Variants in MMGT1 observed in about 807,000 individuals in gnomAD.
MMGT1 encodes membrane magnesium transporter 1.
A neutral mutation model predicts 11.7 loss-of-function variants in MMGT1; 2 were observed. The ratio of observed to expected loss-of-function variants is 0.17; its 90% CI spans 0.07 to 0.54. The LOEUF (loss-of-function observed/expected upper bound fraction) is 0.54. Ranked by LOEUF, MMGT1 falls within the 20% of genes least tolerant of loss-of-function variation. The pLI is 0.94. For missense variants in MMGT1, 74 were observed against 109.0 expected, an observed-to-expected ratio of 0.68 and a Z score of 1.43; for synonymous variants, 49 against 44.4, an observed-to-expected ratio of 1.10 and a Z score of -0.41.
intron 2 of MMGT1, among the ~76,000 whole-genome samples, chrX:135,970,163 G>A (rs921743591): frequency 9.0e-5 from 10 of 110,773 alleles, no homozygotes; most frequent in Admixed American, 2.9e-4. Flanking sequence ...TCAGGAGTTC[G>A]AGACTAGCCT....
At chrX:135,968,772 C>T (rs1288146999) in intron 2 of MMGT1, among the ~76,000 whole-genome samples, 3 of 111,381 alleles carry the variant, frequency 2.7e-5, no homozygotes, top group East Asian at 5.6e-4. Flanking sequence ...TCAGGTGATC[C>T]GCCTGCCTCA....
chrX:135,970,984 T>TA lies in MMGT1; in HGVS notation c.132+73dup, dbSNP rs1319408829. The stretch of plus-strand genomic sequence containing the variant: ...TCTGAAAAATTTTACGAAAAACCAG[T>TA]AAAAAAAAAATTATTACAAGCTATG... On this transcript the variant is annotated intron_variant, in intron 2 of 3. Transcript: ENST00000305963. The TA allele has an allele frequency of 5.0e-3, 3,296 of 654,803 alleles. 1 individual carries two copies. Among genetic ancestry groups the TA allele is most frequent in the Middle Eastern group, 0.013 (37 of 2,825 alleles). 54.0% of individuals were successfully genotyped at this position (654,803 alleles called of 1,213,427 possible).
chrX:135,968,557 A>G (rs1484856408), intron 2 of MMGT1, among the ~76,000 whole-genome samples: 3 of 81,420 alleles, frequency 3.7e-5, no homozygotes, highest in African/African-American at 1.5e-4. Context: ...TTTGAGATGG[A>G]GTCTTGCTCT....
In MMGT1 at chrX:135,960,956, T is replaced by C. The variant is rs782054317; in HGVS notation, c.*4068A>G. On this transcript the variant is annotated 3_prime_UTR_variant, in exon 4 of 4. Transcript: ENST00000305963. ...TTCACATGATCAGACTTCAAAAGTTTAGTACCCAGTATTGGCATGGGTTTG... is the reference window on the plus strand; with the variant it reads ...TTCACATGATCAGACTTCAAAAGTTCAGTACCCAGTATTGGCATGGGTTTG... 2.6e-3 allele frequency among the ~76,000 whole-genome samples: 289 copies of C among 112,315 alleles called. 3 individuals carry two copies. Among genetic ancestry groups the C allele is most frequent in the African/African-American group, 9.1e-3 (281 of 30,966 alleles).
intron 2 of MMGT1, 88 bp from the exon 3 acceptor site, chrX:135,967,581 A>T (rs1603173559): frequency 2.0e-6 from 1 of 496,847 alleles, no homozygotes; most frequent in East Asian, 4.1e-5. Context: ...ATTGCCTCTA[A>T]CAGGTAGTCC....
rs1355537289 is a variant in MMGT1 at position 135,962,453 on chromosome X, TCA to T, written c.*2569_*2570del. On this transcript the variant is annotated 3_prime_UTR_variant, in exon 4 of 4. Coordinates refer to ENST00000305963, the MANE Select transcript of MMGT1 (RefSeq NM_173470.3). ...TCAGTCAAGCAAAGGCTTAACTAGC[TCA>T]CATCATATTTTTGAACTACCCTAGG... is the stretch of plus-strand genomic sequence containing the variant. 4 of 111,970 alleles carry T rather than the reference TCA, an allele frequency of 3.6e-5. No individual in the cohort carries two copies. The highest frequency in any genetic ancestry group is 3.7e-4 in the South Asian group (1 of 2,723). 9.2% of individuals were successfully genotyped at this position (111,970 alleles called of 1,213,427 possible). A position where few individuals can be genotyped will look rare whatever the true frequency, so the allele number is the denominator to read the frequency against.
rs1360204446 is a variant in MMGT1, at chrX:135,972,141, A to C, written c.80-1031T>G. ...CTGCTGCTACAGTCTGACATGACAC[A>C]CTTAGTCTTAAAGTTACATATTACT... On this transcript the variant is annotated intron_variant, in intron 1 of 3. Coordinates refer to ENST00000305963, the MANE Select transcript of MMGT1 (RefSeq NM_173470.3). Among the ~76,000 whole-genome samples, 3 of 111,975 alleles carry C rather than the reference A, an allele frequency of 2.7e-5. No homozygotes were observed. In the East Asian group the frequency reaches 8.4e-4, roughly 31 times the overall value.
At chrX:135,973,570 A>T in intron 1 of MMGT1, 27 bp downstream of exon 1, 1 of 1,139,836 alleles carries the variant, frequency 8.8e-7, no homozygotes, top group Non-Finnish European at 1.2e-6. Flanking sequence ...TCCACACCGA[A>T]GCGGTCCCCG....
chrX:135,962,486 A>G lies in MMGT1; in HGVS notation c.*2538T>C, dbSNP rs944509346. 8.0e-5 allele frequency: 9 copies of G among 112,239 alleles called. No individual in the cohort carries two copies. Among genetic ancestry groups the G allele is most frequent in the African/African-American group, 2.9e-4 (9 of 30,844 alleles). The allele number at this position is 112,239 out of a possible 1,213,427, so 9.2% of individuals were successfully genotyped here. A position where few individuals can be genotyped will look rare whatever the true frequency, so the allele number is the denominator to read the frequency against. ...TATTTTTGAACTACCCTAGGCAATA[A>G]TTGACTGTCTCACAGTACTGTAGAT... On this transcript the variant is annotated 3_prime_UTR_variant, in exon 4 of 4. Transcript: ENST00000305963.
At position 135,961,443 on chromosome X, in the gene MMGT1, A is replaced by T. The variant is rs12009182; in HGVS notation, c.*3581T>A. Among the ~76,000 whole-genome samples the T allele has an allele frequency of 9.0e-6, 1 of 111,170 alleles. No individual in the cohort carries two copies. The highest frequency in any genetic ancestry group is 3.8e-4 in the South Asian group (1 of 2,651). ...GACACTTGAAACTGGTTACTTTTGG[A>T]GAGGAGTATTAGGGTAGGAGGGAAG... On this transcript the variant is annotated 3_prime_UTR_variant, in exon 4 of 4. Coordinates refer to ENST00000305963, the MANE Select transcript of MMGT1 (RefSeq NM_173470.3).
Position 135,965,039 on chromosome X carries a change from T to A in MMGT1, c.381A>T (p.Glu127Asp), listed in dbSNP as rs2089177670. The change falls in exon 4 of 4, where the codon GAA (glutamate) becomes GAT (aspartate). Residue 127 changes from glutamate to aspartate, a missense_variant. Physicochemically the swap from Glu to Asp is conservative, Grantham distance 45. This residue lies in a region of MMGT1 where 34 missense variants were observed against 29.3 expected (regional missense o/e 1.16). Coordinates refer to ENST00000305963, the MANE Select transcript of MMGT1 (RefSeq NM_173470.3). Reference sequence around the variant, plus strand: ...TGTAAAAATCTTAACGACGCAGTGATTCGAGTTTTCGTAACTTCAATGATG... The same window carrying A: ...TGTAAAAATCTTAACGACGCAGTGAATCGAGTTTTCGTAACTTCAATGATG... The part of the protein sequence containing the change: ...SNTSLKLRKL[E>D]SLRR 2 of 1,206,932 alleles carry A rather than the reference T, an allele frequency of 1.7e-6. No individual in the cohort carries two copies. Among genetic ancestry groups the A allele is most frequent in the Admixed American group, 4.4e-5 (2 of 45,572 alleles).
At chrX:135,969,144 ATGTGTG>A (rs10679302) in intron 2 of MMGT1, among the ~76,000 whole-genome samples, 3 of 100,942 alleles carry the variant, frequency 3.0e-5, no homozygotes, top group South Asian at 4.7e-4. Flanking sequence ...AAATATGTGT[ATGTGTG>A]TGTGTGTGTG....
rs1268424614 is a variant in MMGT1, at chrX:135,964,843, T to C, written c.*181A>G. ...AAATACCAAAGACTCATTTCACATA[T>C]AACTTACACTGCATTAATGATTGGA... On this transcript the variant is annotated 3_prime_UTR_variant, in exon 4 of 4. Coordinates refer to ENST00000305963, the MANE Select transcript of MMGT1 (RefSeq NM_173470.3). 1 of 349,404 alleles carries C rather than the reference T, an allele frequency of 2.9e-6. No individual in the cohort carries two copies. The highest frequency in any genetic ancestry group is 2.6e-5 in the African/African-American group (1 of 38,366). 28.8% of individuals were successfully genotyped at this position (349,404 alleles called of 1,213,427 possible).
chrX:135,967,294 A>G (rs1168655296), intron 3 of MMGT1, 96 bp downstream of exon 3: 1 of 570,140 alleles, frequency 1.8e-6, no homozygotes, highest in African/African-American at 2.4e-5. Context: ...CAGAAACAAA[A>G]CCAACTTTTA....
At position 135,962,066 on chromosome X, in the gene MMGT1, C is replaced by T. The variant is rs1446485366; in HGVS notation, c.*2958G>A. On this transcript the variant is annotated 3_prime_UTR_variant, in exon 4 of 4. Coordinates refer to ENST00000305963, the MANE Select transcript of MMGT1 (RefSeq NM_173470.3). ...AAAAAAAAAGCCCAAAAAACACTAC[C>T]AAAAACAGGGTGAGACAATCATTTA... The T allele has an allele frequency of 9.2e-6, 1 of 108,592 alleles. No individual in the cohort carries two copies. The highest frequency in any genetic ancestry group is 1.9e-5 in the Non-Finnish European group (1 of 52,284). 8.9% of individuals were successfully genotyped at this position (108,592 alleles called of 1,213,427 possible).
At chrX:135,966,332 A>G (rs1277874159) in intron 3 of MMGT1, among the ~76,000 whole-genome samples, 1 of 112,456 alleles carries the variant, frequency 8.9e-6, no homozygotes, top group Non-Finnish European at 1.9e-5. Flanking sequence ...GTTGGCTCAC[A>G]TCTGTAATCC....
chrX:135,972,443 C>A (rs782146563), intron 1 of MMGT1, among the ~76,000 whole-genome samples: 1 of 112,163 alleles, frequency 8.9e-6, no homozygotes, highest in Admixed American at 9.4e-5. Context: ...CAAACCAACA[C>A]CAAAAATCGA....
rs781881290 is a variant in MMGT1, at chrX:135,973,711, A to G, written c.-36T>C. 2.4e-5 allele frequency: 28 copies of G among 1,165,282 alleles called. No individual in the cohort carries two copies. In the Admixed American group the frequency reaches 6.2e-4, roughly 26 times the overall value. On this transcript the variant is annotated 5_prime_UTR_variant, in exon 1 of 4. Coordinates refer to ENST00000305963, the MANE Select transcript of MMGT1 (RefSeq NM_173470.3). ...GAGCAGCAGCCCAGCAAAAGAAGCG[A>G]AGGACGGCGGAGCTGTTTCTTCTTC...
chrX:135,963,088 C>G lies in MMGT1; in HGVS notation c.*1936G>C, dbSNP rs1404491781. The stretch of plus-strand genomic sequence containing the variant: ...GAAATGACCAGAATAAGCAAATCTA[C>G]AGAGAGAGAAATAGATTAGTGGTTG... On this transcript the variant is annotated 3_prime_UTR_variant, in exon 4 of 4. Coordinates refer to ENST00000305963, the MANE Select transcript of MMGT1 (RefSeq NM_173470.3). 1.4e-4 allele frequency: 16 copies of G among 110,385 alleles called. No homozygotes were observed. Among genetic ancestry groups the G allele is most frequent in the Non-Finnish European group, 1.9e-4 (10 of 52,862 alleles). 9.1% of individuals were successfully genotyped at this position (110,385 alleles called of 1,213,427 possible). A position where few individuals can be genotyped will look rare whatever the true frequency, so the allele number is the denominator to read the frequency against.
Sources: allele counts gnomAD v4.1 joint callset (sites outside exome capture counted in the v4.1 genomes callset), GRCh38; gene constraint gnomAD v4.1.1; regional missense constraint gnomAD v4.1.1; transcripts MANE v1.5; gene names NCBI Gene and HGNC (gene_info 2026-07-23, HGNC 2026-07-21).